Variants in TAS2R1 observed in about 807,000 individuals in gnomAD.
TAS2R1 encodes taste receptor type 2 member 1.
For missense variants in TAS2R1, 370 were observed against 353.4 expected (o/e 1.05, Z -0.38); for synonymous variants, 141 against 134.2 (o/e 1.05, Z -0.35).
intron 1 of TAS2R1, among the ~76,000 whole-genome samples, chr5:9,707,285 C>T (rs1741636722): frequency 6.6e-6 from 1 of 152,092 alleles, no homozygotes; most frequent in Admixed American, 6.5e-5. Flanking sequence ...CTCCCAACTC[C>T]CCAGCACACC....
At position 9,628,205 on chromosome 5, in the gene TAS2R1, GA is replaced by G. The variant is rs996979733; in HGVS notation, c.*927del. ...TAGTATTCAAAATCTCAACCAAACA[GA>G]AAATGCATTTGTGACTTGAAGCAGA... On this transcript the variant is annotated 3_prime_UTR_variant, in exon 1 of 1. Transcript: ENST00000382492. Among the ~76,000 whole-genome samples the G allele has an allele frequency of 4.0e-5, 6 of 151,200 alleles. No homozygotes were observed. Among genetic ancestry groups the G allele is most frequent in the Non-Finnish European group, 7.4e-5 (5 of 67,926 alleles).
the TAS2R1 span, among the ~76,000 whole-genome samples, chr5:9,854,107 A>C: frequency 6.6e-6 from 1 of 152,250 alleles, no homozygotes; most frequent in Non-Finnish European, 1.5e-5. Context: ...TCCTTTGAAG[A>C]CTGTGAGGGA....
At chr5:9,886,847 C>T in the TAS2R1 span, among the ~76,000 whole-genome samples, 1 of 151,882 alleles carries the variant, frequency 6.6e-6, no homozygotes, top group Non-Finnish European at 1.5e-5. Context: ...ACATAACCAA[C>T]CTGCACATGT....
chr5:9,899,557 A>C, the TAS2R1 span, among the ~76,000 whole-genome samples: 1 of 151,740 alleles, frequency 6.6e-6, no homozygotes, highest in Non-Finnish European at 1.5e-5. Context: ...GAATTGCTTG[A>C]ACCCGGGAGG....
chr5:9,820,111 T>C, the TAS2R1 span, among the ~76,000 whole-genome samples: 2 of 152,052 alleles, frequency 1.3e-5, no homozygotes, highest in Admixed American at 6.6e-5. Flanking sequence ...GGGGAAAAGA[T>C]GAAGCAAACA....
chr5:9,743,092 T>C, the TAS2R1 span, among the ~76,000 whole-genome samples: 1 of 151,884 alleles, frequency 6.6e-6, no homozygotes, highest in Non-Finnish European at 1.5e-5. Flanking sequence ...CCTGAGCCTC[T>C]TTCTTTTCCA....
At chr5:9,900,295 C>A in the TAS2R1 span, among the ~76,000 whole-genome samples, 1 of 152,150 alleles carries the variant, frequency 6.6e-6, no homozygotes, top group African/African-American at 2.4e-5. Context: ...TTCTTAGAAC[C>A]ACCTCTGACA....
chr5:9,638,759 G>T (rs528591839), intron 2 of TAS2R1, among the ~76,000 whole-genome samples: 11 of 152,128 alleles, frequency 7.2e-5, no homozygotes, highest in African/African-American at 2.7e-4. Context: ...GGGTTAGGTG[G>T]GTGTGGGCTC....
the TAS2R1 span, among the ~76,000 whole-genome samples, chr5:9,828,104 T>C: frequency 1.3e-5 from 2 of 152,290 alleles, no homozygotes; most frequent in African/African-American, 4.8e-5. Flanking sequence ...ATACTCATTC[T>C]TTAGGTCTTT....
chr5:9,826,428 C>T, the TAS2R1 span, among the ~76,000 whole-genome samples: 1 of 152,148 alleles, frequency 6.6e-6, no homozygotes, highest in African/African-American at 2.4e-5. Flanking sequence ...AGGGTTAAAA[C>T]AACGTAAAAA....
chr5:9,860,953 C>T, the TAS2R1 span, among the ~76,000 whole-genome samples: 1 of 148,516 alleles, frequency 6.7e-6, no homozygotes, highest in African/African-American at 2.5e-5. Flanking sequence ...TATTGGTCAC[C>T]TGAAAGTAAG....
At chr5:9,747,246 G>A in the TAS2R1 span, among the ~76,000 whole-genome samples, 1 of 152,154 alleles carries the variant, frequency 6.6e-6, no homozygotes, top group Non-Finnish European at 1.5e-5. Flanking sequence ...TGAAGTTTTG[G>A]GGACAGAGAT....
intron 1 of TAS2R1, among the ~76,000 whole-genome samples, chr5:9,672,054 T>C (rs1740777840): frequency 1.3e-5 from 2 of 152,154 alleles, no homozygotes; most frequent in African/African-American, 4.8e-5. Flanking sequence ...GACTCCCTAT[T>C]CAATAAATGA....
the TAS2R1 span, chr5:9,890,076 T>C: frequency 6.6e-6 from 1 of 151,694 alleles, no homozygotes; most frequent in Non-Finnish European, 1.5e-5. Flanking sequence ...GTGAGTGGGA[T>C]CCCCTAAGGA....
upstream of TAS2R1, among the ~76,000 whole-genome samples, chr5:9,717,310 C>T (rs181647031): frequency 6.0e-4 from 91 of 151,560 alleles, 1 homozygote; most frequent in East Asian, 6.2e-3. Flanking sequence ...GAGACAGAGA[C>T]GGGAAAGAAG....
the TAS2R1 span, among the ~76,000 whole-genome samples, chr5:9,856,292 A>G: frequency 6.6e-6 from 1 of 152,114 alleles, no homozygotes; most frequent in Non-Finnish European, 1.5e-5. Context: ...TGATTCTGCA[A>G]TCTCCCTTGG....
At chr5:9,805,158 T>C in the TAS2R1 span, among the ~76,000 whole-genome samples, 2 of 151,998 alleles carry the variant, frequency 1.3e-5, no homozygotes, top group Non-Finnish European at 2.9e-5. Flanking sequence ...GACAGATAAA[T>C]TCCTGGAAAT....
upstream of TAS2R1, among the ~76,000 whole-genome samples, chr5:9,634,318 A>G (rs1739928316): frequency 6.6e-6 from 1 of 152,026 alleles, no homozygotes; most frequent in South Asian, 2.1e-4. Context: ...TTTTATACCA[A>G]TACCATGCTG....
chr5:9,782,478 G>A, the TAS2R1 span, among the ~76,000 whole-genome samples: 1 of 152,118 alleles, frequency 6.6e-6, no homozygotes, highest in African/African-American at 2.4e-5. Flanking sequence ...GGGCTGGGGG[G>A]GTCCCACCCA....
Sources: allele counts gnomAD v4.1 joint callset (sites outside exome capture counted in the v4.1 genomes callset), GRCh38; gene constraint gnomAD v4.1.1; transcripts MANE v1.5; gene names NCBI Gene and HGNC (gene_info 2026-07-23, HGNC 2026-07-21).